DNAH6: variants seen among roughly 807,000 people sequenced by gnomAD.
DNAH6 encodes the protein axonemal beta dynein heavy chain 6.
Under a neutral mutation model 491.4 loss-of-function variants are expected in DNAH6, and 340 were observed. That is an observed-to-expected ratio of 0.69 (90% CI 0.63 to 0.76). The LOEUF (loss-of-function observed/expected upper bound fraction) is 0.76, where lower values mean the gene tolerates loss of function less well. Ranked by LOEUF, DNAH6 falls within the 30% of genes least tolerant of loss-of-function variation. The pLI is 0.00. For synonymous variants in DNAH6, 1,603 were observed against 1,686.1 expected (o/e 0.95, Z 1.21); for missense variants, 4,443 against 4,972.2 (o/e 0.89, Z 3.20).
At chr2:84,813,286 T>G (rs1455132884) in intron 74 of DNAH6, among the ~76,000 whole-genome samples, 156 bp downstream of exon 74, 4 of 152,156 alleles carry the variant, frequency 2.6e-5, no homozygotes, top group Non-Finnish European at 5.9e-5. Context: ...TCCTCACTTG[T>G]GGGGGGCAGA....
chr2:84,761,767 G>T (rs1478337576), intron 63 of DNAH6, among the ~76,000 whole-genome samples: 1 of 147,278 alleles, frequency 6.8e-6, no homozygotes, highest in Non-Finnish European at 1.5e-5. Context: ...CTGCCCAACA[G>T]CATTACATAC....
intron 40 of DNAH6, among the ~76,000 whole-genome samples, chr2:84,675,797 C>T (rs1024568009): frequency 1.3e-5 from 2 of 152,214 alleles, no homozygotes; most frequent in African/African-American, 4.8e-5. Flanking sequence ...TAGCTGGGAC[C>T]ACAGGCGCAT....
chr2:84,777,925 A>C, intron 64 of DNAH6: 2 of 1,091,718 alleles, frequency 1.8e-6, no homozygotes, highest in Non-Finnish European at 2.8e-6. Flanking sequence ...GCTGGACCAA[A>C]TTAAGACGGC....
At chr2:84,616,465 G>T (rs1389328269) in intron 22 of DNAH6, among the ~76,000 whole-genome samples, 1 of 151,978 alleles carries the variant, frequency 6.6e-6, no homozygotes, top group African/African-American at 2.4e-5. Context: ...TTTTTTAACT[G>T]TTGTTGCTAT....
In DNAH6 at chr2:84,713,155, G is replaced by A. The variant is rs767284728; in HGVS notation, c.9439G>A (p.Gly3147Ser). The change falls in exon 57 of 77, where the codon GGT becomes AGT. Residue 3147 changes from glycine to serine, a missense_variant. Physicochemically the swap from Gly to Ser is moderately conservative, Grantham distance 56 (BLOSUM62 0). Transcript: ENST00000389394. ...PILLKQIFIS[G>S]GRLLIRLGDS... ...TCTTTTGAAACAAATTTTTATCAGT[G>A]GTGGCCGACTACTCATCCGTCTTGG... 34 of 1,551,610 alleles carry A rather than the reference G, an allele frequency of 2.2e-5. No individual in the cohort carries two copies. The highest frequency in any genetic ancestry group is 2.0e-4 in the East Asian group (8 of 40,936).
At chr2:84,616,053 T>G (rs560292638) in intron 22 of DNAH6, among the ~76,000 whole-genome samples, 1 of 152,266 alleles carries the variant, frequency 6.6e-6, no homozygotes, top group East Asian at 1.9e-4. Flanking sequence ...GAGAGAGTAC[T>G]TGATATAATT....
rs1356243499 is a variant in DNAH6 at position 84,669,384 on chromosome 2, C to T, written c.6180C>T (p.Asn2060=). 1.7e-5 allele frequency: 27 copies of T among 1,551,966 alleles called. No homozygotes were observed. The highest frequency in any genetic ancestry group is 2.4e-5 in the Non-Finnish European group (27 of 1,147,020). ...WERIIPTFKY[N]RDVPFFEMLV... is the part of the protein sequence containing the mutation. ...GAATCATACCTACTTTCAAATACAA[C>T]CGAGATGTTCCATTTTTTGAAATGC... is the stretch of plus-strand genomic sequence containing the variant. The change falls in exon 38 of 77, where the codon AAC becomes AAT. Residue 2060 remains asparagine (N), a synonymous_variant. Transcript: ENST00000389394.
intron 63 of DNAH6, among the ~76,000 whole-genome samples, chr2:84,756,017 T>A (rs1247562579): frequency 6.6e-6 from 1 of 152,246 alleles, no homozygotes; most frequent in East Asian, 1.9e-4. Context: ...TGACTTGCCA[T>A]GCCATGATTG....
intron 39 of DNAH6, among the ~76,000 whole-genome samples, chr2:84,670,939 C>G (rs947027057): frequency 6.6e-6 from 1 of 152,150 alleles, no homozygotes; most frequent in Non-Finnish European, 1.5e-5. Flanking sequence ...ACTTTCTGGT[C>G]ACCTTCAGAC....
At chr2:84,616,445 C>T (rs1686862185) in intron 22 of DNAH6, among the ~76,000 whole-genome samples, 1 of 151,864 alleles carries the variant, frequency 6.6e-6, no homozygotes, top group African/African-American at 2.4e-5. Flanking sequence ...ATATAATATC[C>T]TTCTTTGTCT....
At chr2:84,683,549 A>G (rs1178504844) in intron 42 of DNAH6, among the ~76,000 whole-genome samples, 1 of 150,030 alleles carries the variant, frequency 6.7e-6, no homozygotes, top group Non-Finnish European at 1.5e-5. Context: ...CAGCCTCCCA[A>G]AAAGCTTGGA....
intron 63 of DNAH6, among the ~76,000 whole-genome samples, chr2:84,747,150 C>T (rs528071128): frequency 8.5e-5 from 13 of 152,156 alleles, no homozygotes; most frequent in Non-Finnish European, 1.8e-4. Context: ...ATGTCCTTCT[C>T]ATATTACAAA....
At chr2:84,548,243 C>T in intron 7 of DNAH6, 45 bp from the exon 8 acceptor site, 1 of 1,543,624 alleles carries the variant, frequency 6.5e-7, no homozygotes, top group Non-Finnish European at 8.7e-7. Flanking sequence ...AGAGATGGAA[C>T]TTTTACACAA....
intron 4 of DNAH6, 57 bp from the exon 5 acceptor site, chr2:84,544,176 T>C (rs1678541471): frequency 1.1e-6 from 1 of 910,130 alleles, no homozygotes; most frequent in African/African-American, 1.7e-5. Flanking sequence ...GCAATGCAAT[T>C]GCTTCATTTT....
intron 29 of DNAH6, among the ~76,000 whole-genome samples, chr2:84,625,603 AAT>A (rs1056936753): frequency 6.7e-6 from 1 of 149,066 alleles, no homozygotes; most frequent in African/African-American, 2.6e-5. Context: ...AATTAAGTAA[AAT>A]ATGTTTTATA....
At chr2:84,593,913 G>A (rs2104160856) in intron 16 of DNAH6, 59 bp from the exon 17 acceptor site, 2 of 945,946 alleles carry the variant, frequency 2.1e-6, no homozygotes, top group Non-Finnish European at 3.2e-6. Context: ...TAGGAGAATA[G>A]CATATGCTCA....
chr2:84,522,831 G>C (rs1676273674), intron 2 of DNAH6, among the ~76,000 whole-genome samples: 1 of 151,998 alleles, frequency 6.6e-6, no homozygotes, highest in African/African-American at 2.4e-5. Context: ...GATCATGATG[G>C]ATTAGTTTTT....
At chr2:84,481,656 C>G in the DNAH6 span, among the ~76,000 whole-genome samples, 1 of 152,180 alleles carries the variant, frequency 6.6e-6, no homozygotes, top group Non-Finnish European at 1.5e-5. Context: ...ATGCTGCAAA[C>G]ACCAAGGAGG....
chr2:84,814,612 C>T (rs1284041367), intron 75 of DNAH6, among the ~76,000 whole-genome samples: 1 of 152,180 alleles, frequency 6.6e-6, no homozygotes, highest in African/African-American at 2.4e-5. Flanking sequence ...CACATAAAAG[C>T]CCCCACCGGA....
Sources: gnomAD v4.1 joint callset for allele counts (sites outside exome capture counted in the v4.1 genomes callset) on GRCh38, gnomAD v4.1.1 for gene constraint, MANE v1.5 for transcripts, NCBI Gene and HGNC (gene_info 2026-07-23, HGNC 2026-07-21) for gene names.